KCTD1: variants seen among roughly 807,000 people sequenced by gnomAD.
The protein encoded by KCTD1 is BTB/POZ domain-containing protein KCTD1.
Under a neutral mutation model 66.0 loss-of-function variants are expected in KCTD1, and 24 were observed. The ratio of observed to expected loss-of-function variants is 0.36; its 90% CI spans 0.26 to 0.51. The LOEUF is 0.51. Ranked by LOEUF, KCTD1 falls within the 20% of genes least tolerant of loss-of-function variation. KCTD1 has a pLI of 0.95. For synonymous variants in KCTD1, 511 were observed against 517.2 expected, an observed-to-expected ratio of 0.99 and a Z score of 0.16; for missense variants, 943 against 1,205.2, an observed-to-expected ratio of 0.78 and a Z score of 3.22.
At chr18:26,618,865 G>T (rs1987313810) in intron 1 of KCTD1, among the ~76,000 whole-genome samples, 1 of 152,148 alleles carries the variant, frequency 6.6e-6, no homozygotes, top group African/African-American at 2.4e-5. Flanking sequence ...TTTATGGTTG[G>T]ATGTTTCCTT....
chr18:26,487,207 A>G (rs1379926566), intron 2 of KCTD1, among the ~76,000 whole-genome samples: 1 of 152,234 alleles, frequency 6.6e-6, no homozygotes. Flanking sequence ...TCTGTCGTTT[A>G]TGATGTCAGA....
intron 1 of KCTD1, among the ~76,000 whole-genome samples, chr18:26,609,976 T>C (rs1356632877): frequency 6.6e-6 from 1 of 151,278 alleles, no homozygotes; most frequent in Admixed American, 6.6e-5. Flanking sequence ...ATTTCATGAA[T>C]ATCTTAACTG....
At chr18:26,637,444 C>T (rs746391693) in intron 1 of KCTD1, among the ~76,000 whole-genome samples, 4 of 152,152 alleles carry the variant, frequency 2.6e-5, no homozygotes, top group Non-Finnish European at 4.4e-5. Flanking sequence ...GAGGAGGAGG[C>T]GCTGGGTGTG....
At chr18:26,523,372 G>C (rs1416845320) in intron 1 of KCTD1, among the ~76,000 whole-genome samples, 1 of 152,108 alleles carries the variant, frequency 6.6e-6, no homozygotes, top group Non-Finnish European at 1.5e-5. Context: ...AATTGTCGTG[G>C]GATTTGGCTT....
At chr18:26,493,205 T>C (rs1982297268) in intron 2 of KCTD1, among the ~76,000 whole-genome samples, 1 of 152,172 alleles carries the variant, frequency 6.6e-6, no homozygotes, top group Admixed American at 6.5e-5. Flanking sequence ...TATTTCATGT[T>C]AGGATACCCA....
chr18:26,644,564 G>A (rs1394102360), upstream of KCTD1, among the ~76,000 whole-genome samples: 1 of 152,092 alleles, frequency 6.6e-6, no homozygotes, highest in Admixed American at 6.6e-5. Flanking sequence ...TTCGAGACCA[G>A]CCTGGCCAAA....
At chr18:26,612,839 A>AT (rs961186049) in intron 1 of KCTD1, among the ~76,000 whole-genome samples, 4 of 151,864 alleles carry the variant, frequency 2.6e-5, no homozygotes, top group Non-Finnish European at 4.4e-5. Flanking sequence ...TCCACCTCTC[A>AT]TTTTTTCGTT....
chr18:26,475,256 T>C (rs75707197), intron 3 of KCTD1, among the ~76,000 whole-genome samples: 1,863 of 152,334 alleles, frequency 0.012, 44 homozygotes, highest in African/African-American at 0.043. Flanking sequence ...CTTTTTTTCT[T>C]CTACACAAAC....
chr18:26,486,382 C>A (rs1341877564), intron 2 of KCTD1, among the ~76,000 whole-genome samples: 1 of 152,240 alleles, frequency 6.6e-6, no homozygotes, highest in Non-Finnish European at 1.5e-5. Flanking sequence ...CAGTGTCCGT[C>A]TGTCCCAGAA....
At chr18:26,504,733 T>C (rs1216504082) in intron 1 of KCTD1, among the ~76,000 whole-genome samples, 2 of 152,140 alleles carry the variant, frequency 1.3e-5, no homozygotes, top group African/African-American at 4.8e-5. Context: ...GGCTGAGAGT[T>C]TGGGCACTTG....
At chr18:26,523,713 GA>G (rs1984027286) in intron 1 of KCTD1, among the ~76,000 whole-genome samples, 1 of 152,202 alleles carries the variant, frequency 6.6e-6, no homozygotes, top group South Asian at 2.1e-4. Context: ...GGTTTTCTGA[GA>G]ATCTTACTAT....
chr18:26,498,994 G>C (rs1238300921), intron 2 of KCTD1, among the ~76,000 whole-genome samples: 1 of 152,186 alleles, frequency 6.6e-6, no homozygotes, highest in Non-Finnish European at 1.5e-5. Context: ...CTTCCCAGGG[G>C]CTAAATCCTG....
chr18:26,599,659 G>C (rs568314374), intron 1 of KCTD1: 1 of 1,478,640 alleles, frequency 6.8e-7, no homozygotes, highest in Admixed American at 1.7e-5. Context: ...AAATCACCCA[G>C]ATCCTTCGGC....
intron 1 of KCTD1, among the ~76,000 whole-genome samples, chr18:26,582,005 T>C (rs1165121913): frequency 2.6e-5 from 4 of 151,642 alleles, no homozygotes; most frequent in African/African-American, 9.7e-5. Context: ...TGCTGCCTCA[T>C]GCCTGTAATC....
Position 26,498,428 on chromosome 18 carries a change from C to T in KCTD1, c.1988+2644G>A, listed in dbSNP as rs116290038. ...CATCTGTTTCATAGTTCAGCGCTGT[C>T]CAACAGAAATAAACAGCAAGACACA... is the stretch of plus-strand genomic sequence containing the variant. On this transcript the variant is annotated intron_variant, in intron 2 of 4. Transcript: ENST00000580059. Among the ~76,000 whole-genome samples the T allele has an allele frequency of 8.7e-3, 1,293 of 149,118 alleles. 13 individuals carry two copies. Among genetic ancestry groups the T allele is most frequent in the African/African-American group, 0.03 (1,204 of 40,394 alleles).
chr18:26,599,740 A>G, intron 1 of KCTD1: 1 of 1,566,206 alleles, frequency 6.4e-7, no homozygotes, highest in Non-Finnish European at 8.8e-7. Flanking sequence ...TGAAGACAGC[A>G]TCTAAGCTGT....
In KCTD1 at chr18:26,489,217, G is replaced by A. The variant is rs188916574; in HGVS notation, c.1988+11855C>T. On this transcript the variant is annotated intron_variant, in intron 2 of 4. Coordinates refer to ENST00000580059, the MANE Select transcript of KCTD1 (RefSeq NM_001142730.3). ...AAATATTGGTAATTCATCTAACTGA[G>A]GCTATAAATCCTGCATTTTTAGTAA... Among the ~76,000 whole-genome samples the A allele has an allele frequency of 3.3e-3, 495 of 152,226 alleles. 3 individuals are homozygous for A. Among genetic ancestry groups the A allele is most frequent in the African/African-American group, 0.011 (473 of 41,524 alleles).
chr18:26,641,257 G>A (rs180817477), upstream of KCTD1, among the ~76,000 whole-genome samples: 1 of 152,170 alleles, frequency 6.6e-6, no homozygotes, highest in African/African-American at 2.4e-5. Context: ...ACATCTGGGG[G>A]CAGAGCCTTT....
intron 1 of KCTD1, among the ~76,000 whole-genome samples, chr18:26,521,981 A>G (rs1224454651): frequency 1.3e-5 from 2 of 152,214 alleles, no homozygotes; most frequent in Non-Finnish European, 2.9e-5. Context: ...AATAAAGGTG[A>G]CTGGAAAAAA....
Sources: gnomAD v4.1 joint callset for allele counts (sites outside exome capture counted in the v4.1 genomes callset) on GRCh38, gnomAD v4.1.1 for gene constraint, MANE v1.5 for transcripts, NCBI Gene and HGNC (gene_info 2026-07-23, HGNC 2026-07-21) for gene names.